The following LARS1 variants were observed in gnomAD, a reference collection of about 807,000 sequenced individuals.
The protein encoded by LARS1 is leucine--tRNA ligase, cytoplasmic.
A neutral mutation model predicts 162.8 loss-of-function variants in LARS1; 100 were observed. The ratio of observed to expected loss-of-function variants is 0.61; its 90% CI spans 0.52 to 0.73. The LOEUF (loss-of-function observed/expected upper bound fraction) is 0.73, where lower values mean the gene tolerates loss of function less well. LARS1 is among the 30% of genes least tolerant of loss of function. The probability of loss-of-function intolerance (pLI) is 0.00; values close to 1 mark genes in which losing one functional copy is unlikely to be tolerated. For missense variants in LARS1, 1,258 were observed against 1,408.9 expected, an observed-to-expected ratio of 0.89 and a Z score of 1.71; for synonymous variants, 457 against 462.8, an observed-to-expected ratio of 0.99 and a Z score of 0.16.
chr5:146,166,546 C>T (rs774972881), intron 5 of LARS1, among the ~76,000 whole-genome samples: 23 of 151,904 alleles, frequency 1.5e-4, no homozygotes, highest in Non-Finnish European at 3.1e-4. Flanking sequence ...TCTTAAAAAA[C>T]AAAAAGCTCA....
At chr5:146,162,391 T>C (rs921384286) in intron 6 of LARS1, among the ~76,000 whole-genome samples, 1 of 152,204 alleles carries the variant, frequency 6.6e-6, no homozygotes, top group African/African-American at 2.4e-5. Flanking sequence ...ATTGGGTGCA[T>C]TGTCAATGAA....
At chr5:146,115,483 G>C (rs551833557) in intron 31 of LARS1, among the ~76,000 whole-genome samples, 1 of 143,714 alleles carries the variant, frequency 7.0e-6, no homozygotes, top group South Asian at 2.2e-4. Flanking sequence ...AGAAATTTAA[G>C]CTTTCAGAAT....
At chr5:146,124,164 T>C (rs1365376541) in intron 28 of LARS1, 78 bp from the exon 29 acceptor site, 4 of 883,984 alleles carry the variant, frequency 4.5e-6, no homozygotes, top group Admixed American at 1.7e-5. Context: ...AAAGTAATCA[T>C]TCTTCTCTCA....
At position 146,149,699 on chromosome 5, in the gene LARS1, T is replaced by C. The variant is rs1260325159; in HGVS notation, c.1426A>G (p.Ile476Val). ...KIYLKGFYEG[I>V]MLVDGFKGQK... ...CCTTTAAATCCATCCACCAACATGA[T>C]CTAAAAGGATGAGAGGGGAGAAAAA... Residue 476 changes from isoleucine (I) to valine (V), a missense_variant and splice_region_variant, in exon 15 of 32, where the codon ATC becomes GTC. Ile to Val is a conservative substitution (Grantham distance 29, BLOSUM62 3). Coordinates refer to ENST00000394434, the MANE Select transcript of LARS1 (RefSeq NM_020117.11). The C allele has an allele frequency of 6.2e-7, 1 of 1,606,914 alleles. No homozygotes were observed. The highest frequency in any genetic ancestry group is 8.5e-7 in the Non-Finnish European group (1 of 1,173,674).
chr5:146,168,002 T>C (rs1448030543), intron 5 of LARS1, 126 bp downstream of exon 5: 2 of 832,926 alleles, frequency 2.4e-6, no homozygotes, highest in Non-Finnish European at 3.5e-6. Context: ...AATTTTTTGC[T>C]TTGATACTTT....
At chr5:146,161,276 G>A (rs1291259814) in intron 6 of LARS1, among the ~76,000 whole-genome samples, 1 of 152,210 alleles carries the variant, frequency 6.6e-6, no homozygotes, top group East Asian at 1.9e-4. Flanking sequence ...GCTGCTGACT[G>A]ATGAGAGAAG....
chr5:146,180,842 C>T (rs1338885417), intron 1 of LARS1, among the ~76,000 whole-genome samples: 1 of 152,176 alleles, frequency 6.6e-6, no homozygotes, highest in Non-Finnish European at 1.5e-5. Flanking sequence ...AACTTTGGCA[C>T]TACTTACACT....
chr5:146,123,912 TATAAA>T (rs1751936643), intron 29 of LARS1, 65 bp downstream of exon 29: 2 of 734,382 alleles, frequency 2.7e-6, no homozygotes, highest in Admixed American at 2.5e-5. Context: ...AAAGGTTTAT[TATAAA>T]ATAAAAGAGC....
chr5:146,142,830 T>C, intron 20 of LARS1, 42 bp downstream of exon 20: 1 of 1,479,190 alleles, frequency 6.8e-7, no homozygotes, highest in Non-Finnish European at 9.4e-7. Flanking sequence ...ACACCCCTAT[T>C]GACAATCAAT....
chr5:146,172,643 TA>T, intron 3 of LARS1, 43 bp downstream of exon 3: 2 of 1,166,706 alleles, frequency 1.7e-6, no homozygotes, highest in East Asian at 2.7e-5. Context: ...CAATATTCGT[TA>T]AAAACCTTCC....
rs182471010 is a variant in LARS1, at chr5:146,130,347, T to C, written c.2488-189A>G. On this transcript the variant is annotated intron_variant, in intron 24 of 31. Transcript: ENST00000394434. ...TATCTTTGTCCAAAGTATATGGCAG[T>C]TTTATACTAATAATTCTCAAAAAAA... The C allele has an allele frequency of 6.2e-4, 375 of 604,012 alleles. 2 individuals are homozygous for C. In the African/African-American group the frequency reaches 6.4e-3, roughly 10 times the overall value. 37.4% of individuals were successfully genotyped at this position (604,012 alleles called of 1,614,324 possible).
At chr5:146,169,905 G>A (rs547703527) in intron 4 of LARS1, among the ~76,000 whole-genome samples, 36 of 152,164 alleles carry the variant, frequency 2.4e-4, no homozygotes, top group South Asian at 1.5e-3. Flanking sequence ...AACCTGGCAG[G>A]ATTAACTTAA....
At chr5:146,155,929 T>C (rs1753505293) in intron 10 of LARS1, among the ~76,000 whole-genome samples, 1 of 152,220 alleles carries the variant, frequency 6.6e-6, no homozygotes, top group Non-Finnish European at 1.5e-5. Flanking sequence ...TATCCATTAA[T>C]AGAGAATGGT....
intron 9 of LARS1, 44 bp from the exon 10 acceptor site, chr5:146,157,672 T>G (rs375333658): frequency 2.0e-5 from 33 of 1,612,626 alleles, no homozygotes; most frequent in Non-Finnish European, 2.7e-5. Context: ...ATGTCAACTC[T>G]GTAACAACTA....
At chr5:146,143,625 G>A in intron 18 of LARS1, 75 bp from the exon 19 acceptor site, 1 of 1,325,976 alleles carries the variant, frequency 7.5e-7, no homozygotes, top group East Asian at 2.3e-5. Flanking sequence ...TAAGAAGGGG[G>A]CTATAACATT....
chr5:146,159,585 A>G, intron 7 of LARS1, 115 bp from the exon 8 acceptor site: 1 of 721,508 alleles, frequency 1.4e-6, no homozygotes, highest in Non-Finnish European at 2.4e-6. Context: ...ATTTCTGAGT[A>G]GATATCTGTG....
chr5:146,148,199 T>C (rs934114231), intron 15 of LARS1, among the ~76,000 whole-genome samples: 4 of 152,074 alleles, frequency 2.6e-5, no homozygotes, highest in Non-Finnish European at 4.4e-5. Flanking sequence ...TATAAGGACA[T>C]AGACATGGGA....
intron 20 of LARS1, among the ~76,000 whole-genome samples, chr5:146,141,396 T>C (rs1474037318): frequency 6.6e-6 from 1 of 152,192 alleles, no homozygotes; most frequent in Non-Finnish European, 1.5e-5. Context: ...TTTGTAATTT[T>C]TAAAAACCTA....
chr5:146,160,100 A>G (rs998051003), intron 7 of LARS1, among the ~76,000 whole-genome samples: 2 of 152,174 alleles, frequency 1.3e-5, no homozygotes, highest in Non-Finnish European at 2.9e-5. Context: ...GGTAATGGGA[A>G]AAGGTAGGCT....
Sources: gnomAD v4.1 joint callset for allele counts (sites outside exome capture counted in the v4.1 genomes callset) on GRCh38, gnomAD v4.1.1 for gene constraint, MANE v1.5 for transcripts, NCBI Gene and HGNC (gene_info 2026-07-23, HGNC 2026-07-21) for gene names.